RNF13: variants seen among roughly 807,000 people sequenced by gnomAD.
The protein encoded by RNF13 is E3 ubiquitin-protein ligase RNF13.
Under a neutral mutation model 37.7 loss-of-function variants are expected in RNF13, and 19 were observed. The ratio of observed to expected loss-of-function variants is 0.50; its 90% CI spans 0.35 to 0.74. RNF13 has a LOEUF of 0.74. Ranked by LOEUF, RNF13 falls within the 30% of genes least tolerant of loss-of-function variation. The pLI is 0.01. For synonymous variants in RNF13, 144 were observed against 157.8 expected (o/e 0.91, Z 0.65); for missense variants, 375 against 453.0 (o/e 0.83, Z 1.56).
At chr3:149,929,037 T>C (rs1406029538) in intron 8 of RNF13, among the ~76,000 whole-genome samples, 3 of 152,232 alleles carry the variant, frequency 2.0e-5, no homozygotes, top group Admixed American at 2.0e-4. Context: ...CCTACAACTT[T>C]GATGGATTTG....
intron 1 of RNF13, among the ~76,000 whole-genome samples, chr3:149,825,851 A>G (rs1033009068): frequency 7.9e-5 from 12 of 152,248 alleles, no homozygotes; most frequent in African/African-American, 2.9e-4. Context: ...ATATATTTAT[A>G]TAATCATGAA....
intron 8 of RNF13, among the ~76,000 whole-genome samples, chr3:149,930,832 C>G (rs1365869330): frequency 6.6e-6 from 1 of 152,058 alleles, no homozygotes. Context: ...CATCTGTTAC[C>G]AGATTTGTAG....
At chr3:149,866,450 C>T (rs558048451) in intron 3 of RNF13, among the ~76,000 whole-genome samples, 42 of 152,332 alleles carry the variant, frequency 2.8e-4, no homozygotes, top group Non-Finnish European at 4.6e-4. Flanking sequence ...AGGTCACTCA[C>T]GTCACCATCT....
At chr3:149,922,007 T>C (rs970838818) in intron 8 of RNF13, among the ~76,000 whole-genome samples, 2 of 152,070 alleles carry the variant, frequency 1.3e-5, no homozygotes, top group African/African-American at 4.8e-5. Context: ...GGAGTCTCAC[T>C]CTGTCACCCA....
intron 3 of RNF13, among the ~76,000 whole-genome samples, chr3:149,853,111 A>G (rs1723264468): frequency 6.6e-6 from 1 of 152,002 alleles, no homozygotes; most frequent in Non-Finnish European, 1.5e-5. Flanking sequence ...GATTTTGAAC[A>G]TTGCTTTAGT....
At chr3:149,862,254 A>C (rs879435247) in intron 3 of RNF13, among the ~76,000 whole-genome samples, 5 of 152,044 alleles carry the variant, frequency 3.3e-5, no homozygotes, top group Admixed American at 1.3e-4. Flanking sequence ...TAAAAATGGA[A>C]ATATTTCAAG....
intron 8 of RNF13, among the ~76,000 whole-genome samples, chr3:149,925,077 G>C (rs1718501762): frequency 6.6e-6 from 1 of 152,116 alleles, no homozygotes; most frequent in African/African-American, 2.4e-5. Flanking sequence ...GACAGAGGAG[G>C]AGGTATTGGA....
At chr3:149,822,395 A>G (rs1009635584) in intron 1 of RNF13, 1 of 152,118 alleles carries the variant, frequency 6.6e-6, no homozygotes, top group Non-Finnish European at 1.5e-5. Context: ...ACTATTATAC[A>G]TGGAAGTTTT....
intron 8 of RNF13, among the ~76,000 whole-genome samples, chr3:149,923,559 G>A (rs1048134251): frequency 6.6e-6 from 1 of 152,110 alleles, no homozygotes; most frequent in Admixed American, 6.5e-5. Flanking sequence ...TAGGTCAGGA[G>A]ATCGAGACCA....
intron 8 of RNF13, among the ~76,000 whole-genome samples, chr3:149,956,483 G>A (rs926703574): frequency 5.9e-5 from 9 of 152,160 alleles, no homozygotes; most frequent in African/African-American, 2.2e-4. Context: ...GTTATGAAGG[G>A]CCAATACTTT....
rs957358399 is a variant in RNF13, at chr3:149,954,199, G to GA, written c.701-5846dup. Among the ~76,000 whole-genome samples, 218 of 143,798 alleles carry GA rather than the reference G, an allele frequency of 1.5e-3. 1 individual carries two copies. The East Asian group carries it at 0.028, about 18-fold the overall frequency. The allele number at this position is 143,798 out of a possible 152,430, so 94.3% of individuals were successfully genotyped here. On this transcript the variant is annotated intron_variant, in intron 8 of 9. Coordinates refer to ENST00000392894, the MANE Select transcript of RNF13 (RefSeq NM_183381.3). ...ACAAGGTATATACACACAGATGTTAGAAAAAAAAAAACCTTTGGTTGTTGC... is the reference window on the plus strand; with the variant it reads ...ACAAGGTATATACACACAGATGTTAGAAAAAAAAAAAACCTTTGGTTGTTGC...
At chr3:149,944,981 T>C (rs1720628108) in intron 8 of RNF13, among the ~76,000 whole-genome samples, 1 of 152,206 alleles carries the variant, frequency 6.6e-6, no homozygotes, top group Non-Finnish European at 1.5e-5. Flanking sequence ...TGAATTAATT[T>C]TTGTATAAGG....
At chr3:149,902,830 A>C (rs1052222223) in intron 6 of RNF13, among the ~76,000 whole-genome samples, 1 of 152,164 alleles carries the variant, frequency 6.6e-6, no homozygotes, top group African/African-American at 2.4e-5. Context: ...GAGGAACAAC[A>C]ACAAAAATAA....
At chr3:149,859,872 A>G (rs1295778907) in intron 3 of RNF13, among the ~76,000 whole-genome samples, 1 of 152,158 alleles carries the variant, frequency 6.6e-6, no homozygotes, top group Non-Finnish European at 1.5e-5. Context: ...AGAAAAAACT[A>G]TCTTAAAATT....
At chr3:149,911,193 A>G (rs1479656617) in intron 6 of RNF13, among the ~76,000 whole-genome samples, 1 of 152,226 alleles carries the variant, frequency 6.6e-6, no homozygotes, top group African/African-American at 2.4e-5. Context: ...CATGTAAAGC[A>G]GATAGGGAGG....
chr3:149,823,160 A>C (rs548356118), intron 1 of RNF13, among the ~76,000 whole-genome samples: 1 of 152,252 alleles, frequency 6.6e-6, no homozygotes, highest in Non-Finnish European at 1.5e-5. Context: ...CTTAAAAATA[A>C]GAGGAAATAT....
intron 1 of RNF13, among the ~76,000 whole-genome samples, chr3:149,816,761 A>C (rs1719499690): frequency 6.6e-6 from 1 of 152,248 alleles, no homozygotes; most frequent in Non-Finnish European, 1.5e-5. Flanking sequence ...AGTTAAGAAG[A>C]AACTCTCTTT....
At chr3:149,921,065 T>G (rs1718074411) in intron 7 of RNF13, 69 bp from the exon 8 acceptor site, 2 of 540,346 alleles carry the variant, frequency 3.7e-6, no homozygotes, top group East Asian at 6.7e-5. Context: ...AAGATATTTG[T>G]TATTTTAATG....
At chr3:149,825,296 T>C (rs1576716320) in intron 1 of RNF13, among the ~76,000 whole-genome samples, 1 of 152,028 alleles carries the variant, frequency 6.6e-6, no homozygotes, top group East Asian at 1.9e-4. Flanking sequence ...GCCTCCTAAG[T>C]AGCCGGGATT....
Sources: gnomAD v4.1 joint callset for allele counts (sites outside exome capture counted in the v4.1 genomes callset) on GRCh38, gnomAD v4.1.1 for gene constraint, MANE v1.5 for transcripts, NCBI Gene and HGNC (gene_info 2026-07-23, HGNC 2026-07-21) for gene names.